RAB3C: variants seen among roughly 807,000 people sequenced by gnomAD.
RAB3C encodes the protein ras-related protein Rab-3C.
RAB3C carries 17 observed loss-of-function variants against 26.4 expected under a neutral mutation model. That is an observed-to-expected ratio of 0.64 (90% CI 0.44 to 0.97). The LOEUF is 0.97. RAB3C is among the 50% of genes least tolerant of loss of function. The pLI is 0.00. For missense variants in RAB3C, 242 were observed against 281.9 expected, an observed-to-expected ratio of 0.86 and a Z score of 1.01; for synonymous variants, 91 against 95.9, an observed-to-expected ratio of 0.95 and a Z score of 0.30.
At chr5:58,607,470 C>T (rs1300877731) in intron 1 of RAB3C, among the ~76,000 whole-genome samples, 2 of 152,148 alleles carry the variant, frequency 1.3e-5, no homozygotes, top group Non-Finnish European at 2.9e-5. Flanking sequence ...GAGAATGGAA[C>T]CAAGTTGGAA....
intron 3 of RAB3C, among the ~76,000 whole-genome samples, chr5:58,801,367 C>T (rs1436197043): frequency 1.3e-5 from 2 of 152,130 alleles, no homozygotes. Context: ...GCTACTGACA[C>T]GTGGCAGGGT....
Position 58,768,410 on chromosome 5 carries a change from G to C in RAB3C, c.371+42290G>C, listed in dbSNP as rs577042605. Among the ~76,000 whole-genome samples the C allele has an allele frequency of 1.0e-3, 153 of 147,100 alleles. 3 individuals are homozygous for C. In the South Asian group the frequency reaches 0.035, roughly 33 times the overall value. On this transcript the variant is annotated intron_variant, in intron 3 of 4. Coordinates refer to ENST00000282878, the MANE Select transcript of RAB3C (RefSeq NM_138453.4). ...TCACTCATTTAACAAATATTGTTGA[G>C]TGCCTAATACGTACCAGCCACAAAC...
intron 1 of RAB3C, among the ~76,000 whole-genome samples, chr5:58,595,884 G>A (rs12054854): frequency 0.43 from 65,954 of 151,930 alleles, 15,085 homozygotes; most frequent in Non-Finnish European, 0.52. Flanking sequence ...ACATTTTGTT[G>A]CTAAGAGAGA....
chr5:58,596,835 T>TA (rs1491355692), intron 1 of RAB3C, among the ~76,000 whole-genome samples: 11,592 of 91,384 alleles, frequency 0.13, 1,117 homozygotes, highest in South Asian at 0.26. Context: ...TATATATAAA[T>TA]TTATAATATA....
intron 2 of RAB3C, among the ~76,000 whole-genome samples, chr5:58,693,350 A>G (rs1161206742): frequency 1.4e-5 from 2 of 144,136 alleles, no homozygotes; most frequent in South Asian, 2.1e-4. Context: ...ATATATATAT[A>G]TATATATATA....
intron 1 of RAB3C, among the ~76,000 whole-genome samples, chr5:58,609,910 G>A (rs545358943): frequency 2.0e-5 from 3 of 152,192 alleles, no homozygotes; most frequent in African/African-American, 7.2e-5. Flanking sequence ...CAGCTTGATG[G>A]TGAGTTGTAA....
intron 4 of RAB3C, among the ~76,000 whole-genome samples, chr5:58,836,202 A>G (rs1561147052): frequency 1.3e-5 from 2 of 152,172 alleles, no homozygotes; most frequent in African/African-American, 4.8e-5. Flanking sequence ...GTGGTTCTAG[A>G]TCAAAGAAAA....
At chr5:58,729,787 T>C (rs1423027952) in intron 3 of RAB3C, among the ~76,000 whole-genome samples, 2 of 146,764 alleles carry the variant, frequency 1.4e-5, no homozygotes, top group African/African-American at 5.0e-5. Context: ...TATATGTATA[T>C]TTATATTATA....
intron 3 of RAB3C, among the ~76,000 whole-genome samples, chr5:58,787,896 C>T (rs920536060): frequency 3.9e-5 from 6 of 152,224 alleles, no homozygotes; most frequent in Non-Finnish European, 5.9e-5. Context: ...TCCCCTCCCT[C>T]CACTGTTGTT....
At chr5:58,592,124 C>G (rs1385192377) in intron 1 of RAB3C, among the ~76,000 whole-genome samples, 1 of 152,064 alleles carries the variant, frequency 6.6e-6, no homozygotes, top group African/African-American at 2.4e-5. Flanking sequence ...ATCTCGAACT[C>G]CTGACCTCAG....
At chr5:58,617,073 C>T (rs966570236) in intron 1 of RAB3C, among the ~76,000 whole-genome samples, 9 of 151,928 alleles carry the variant, frequency 5.9e-5, no homozygotes, top group South Asian at 2.1e-4. Flanking sequence ...AGTTAGTATC[C>T]GGCACATTGT....
intron 3 of RAB3C, among the ~76,000 whole-genome samples, chr5:58,728,016 C>T (rs1740927573): frequency 1.3e-5 from 2 of 151,984 alleles, no homozygotes; most frequent in Non-Finnish European, 1.5e-5. Context: ...TTTCTTCTAT[C>T]CTTTTTTTCT....
chr5:58,764,754 T>C (rs1741862922), intron 3 of RAB3C, among the ~76,000 whole-genome samples: 1 of 152,188 alleles, frequency 6.6e-6, no homozygotes, highest in Non-Finnish European at 1.5e-5. Context: ...ATTTGAGCTA[T>C]TTTTGCTTCC....
intron 2 of RAB3C, among the ~76,000 whole-genome samples, chr5:58,683,516 A>G (rs1323981549): frequency 2.6e-5 from 4 of 152,184 alleles, no homozygotes; most frequent in African/African-American, 9.7e-5. Context: ...TTGCGGCTAT[A>G]ACCGGGTACC....
At chr5:58,742,075 G>A (rs1315906244) in intron 3 of RAB3C, 2 of 151,828 alleles carry the variant, frequency 1.3e-5, no homozygotes, top group African/African-American at 4.8e-5. Flanking sequence ...TATAAAACCA[G>A]TGGAAAATTC....
At chr5:58,725,915 T>C in intron 2 of RAB3C, 87 bp from the exon 3 acceptor site, 1 of 754,190 alleles carries the variant, frequency 1.3e-6, no homozygotes, top group Non-Finnish European at 2.2e-6. Flanking sequence ...TTAGACTCTA[T>C]TGTGACTCTT....
intron 2 of RAB3C, among the ~76,000 whole-genome samples, chr5:58,681,233 C>T (rs575642117): frequency 1.3e-5 from 2 of 152,004 alleles, no homozygotes; most frequent in East Asian, 1.9e-4. Flanking sequence ...AAAATTTAAT[C>T]GACAAATAAA....
intron 4 of RAB3C, among the ~76,000 whole-genome samples, chr5:58,842,014 T>C (rs548875413): frequency 6.6e-6 from 1 of 152,330 alleles, no homozygotes; most frequent in South Asian, 2.1e-4. Context: ...TTTATTGGGA[T>C]ACAGAGCAAG....
In RAB3C at chr5:58,626,235, C is replaced by T. The variant is rs377529516; in HGVS notation, c.252+8365C>T. Among the ~76,000 whole-genome samples, 83 of 152,222 alleles carry T rather than the reference C, an allele frequency of 5.5e-4. 2 individuals are homozygous for T. The East Asian group carries it at 0.015, about 27-fold the overall frequency. On this transcript the variant is annotated intron_variant, in intron 2 of 4. Coordinates refer to ENST00000282878, the MANE Select transcript of RAB3C (RefSeq NM_138453.4). ...TTTTCTTATAAACCATGTTCATTGT[C>T]ATTTGTTAGCCAAGTTGAGAGGAAA...
Sources: gnomAD v4.1 joint callset for allele counts (sites outside exome capture counted in the v4.1 genomes callset) on GRCh38, gnomAD v4.1.1 for gene constraint, MANE v1.5 for transcripts, NCBI Gene and HGNC (gene_info 2026-07-23, HGNC 2026-07-21) for gene names.